The following MUCL1 variants were observed in gnomAD, a reference collection of about 807,000 sequenced individuals.
The protein encoded by MUCL1 is mucin like 1, also known as mucin-like protein 1.
In MUCL1, 11 loss-of-function variants were observed where a neutral mutation model predicts 9.2. That is an observed-to-expected ratio of 1.19 (90% CI 0.75 to 1.97). The LOEUF (loss-of-function observed/expected upper bound fraction) is 1.97, where lower values mean the gene tolerates loss of function less well. Among genes scored for constraint, MUCL1 ranks in the 30% most tolerant of loss-of-function variants. The pLI, the probability that MUCL1 is intolerant of heterozygous loss-of-function variation, is 0.00. For synonymous variants in MUCL1, 48 were observed against 40.5 expected (o/e 1.19, Z -0.71); for missense variants, 144 against 110.9 (o/e 1.30, Z -1.34).
At chr12:54,844,001 A>T (rs1959228358) in intron 1 of MUCL1, among the ~76,000 whole-genome samples, 1 of 152,146 alleles carries the variant, frequency 6.6e-6, no homozygotes. Flanking sequence ...CTTTTTGTTT[A>T]TCACTAGATT....
chr12:54,833,669 T>C (rs576800789), intron 1 of MUCL1, among the ~76,000 whole-genome samples: 30 of 152,162 alleles, frequency 2.0e-4, no homozygotes, highest in Admixed American at 1.9e-3. Flanking sequence ...ATGTCCTTTA[T>C]AGGGACATGG....
At chr12:54,855,450 C>A (rs956976107) in intron 2 of MUCL1, 6 of 321,726 alleles carry the variant, frequency 1.9e-5, no homozygotes, top group Admixed American at 4.2e-5. Context: ...GATGTTGTAG[C>A]CTGAGAATTT....
At chr12:54,842,412 C>T (rs1444409563) in intron 1 of MUCL1, among the ~76,000 whole-genome samples, 3 of 151,874 alleles carry the variant, frequency 2.0e-5, no homozygotes, top group Non-Finnish European at 4.4e-5. Flanking sequence ...TTATGTTTAT[C>T]ATGTACAACA....
In MUCL1 at chr12:54,855,168, A is replaced by T. The variant is rs1868289962; in HGVS notation, c.100+11A>T. ...ACACGTATCCAGCTAGTGAGTCTGC[A>T]CTTGAATGTCATCTCTTTCCAGCAA... On this transcript the variant is annotated intron_variant, in intron 2 of 3. Coordinates refer to ENST00000308796, the MANE Select transcript of MUCL1 (RefSeq NM_058173.3). 6.2e-7 allele frequency: 1 copy of T among 1,612,362 alleles called. No individual in the cohort carries two copies. Among genetic ancestry groups the T allele is most frequent in the African/African-American group, 1.3e-5 (1 of 74,992 alleles).
At chr12:54,857,941 T>A (rs972786691) in intron 3 of MUCL1, among the ~76,000 whole-genome samples, 2 of 152,182 alleles carry the variant, frequency 1.3e-5, no homozygotes, top group African/African-American at 4.8e-5. Flanking sequence ...GGAAAACTCA[T>A]ACGTATTGAC....
At chr12:54,834,635 A>G (rs1959189940), upstream of MUCL1, among the ~76,000 whole-genome samples, 1 of 152,036 alleles carries the variant, frequency 6.6e-6, no homozygotes, top group African/African-American at 2.4e-5. Context: ...CCACTCTCTT[A>G]GCAAATTTTA....
rs143592066 is a variant in MUCL1, at chr12:54,831,419, T to C, written n.357+544T>C. 1.8e-4 allele frequency among the ~76,000 whole-genome samples: 27 copies of C among 152,274 alleles called. No homozygotes were observed. The East Asian group carries it at 5.0e-3, about 28-fold the overall frequency. ...TGTTAGTTTAGTAAAAACAGCTGTG[T>C]TCTGGGTAATCAGCATTAAGTATAA... On this transcript the variant is annotated intron_variant and non_coding_transcript_variant, in intron 1 of 3. Coordinates refer to the MUCL1 transcript ENST00000547990.
intron 1 of MUCL1, among the ~76,000 whole-genome samples, chr12:54,847,037 C>T (rs528973726): frequency 2.0e-5 from 3 of 152,266 alleles, no homozygotes; most frequent in Admixed American, 6.5e-5. Flanking sequence ...CATCCACATC[C>T]TGCTTAGTCC....
intron 1 of MUCL1, among the ~76,000 whole-genome samples, chr12:54,840,362 C>T (rs961244942): frequency 6.6e-6 from 1 of 152,188 alleles, no homozygotes; most frequent in African/African-American, 2.4e-5. Flanking sequence ...GTGATGCAGA[C>T]AATGGTAATA....
intron 1 of MUCL1, among the ~76,000 whole-genome samples, chr12:54,840,836 C>A (rs77715551): frequency 6.6e-6 from 1 of 152,150 alleles, no homozygotes; most frequent in Non-Finnish European, 1.5e-5. Flanking sequence ...CCAGCTCCCA[C>A]GCATTTGGCA....
chr12:54,846,398 G>T (rs546289161), intron 1 of MUCL1, among the ~76,000 whole-genome samples: 3 of 152,312 alleles, frequency 2.0e-5, no homozygotes, highest in Admixed American at 6.5e-5. Flanking sequence ...CATCCCTGTG[G>T]CATGACCTGC....
Position 54,858,336 on chromosome 12 carries a change from T to C in MUCL1, c.*94T>C. On this transcript the variant is annotated 3_prime_UTR_variant, in exon 4 of 4. Transcript: ENST00000308796. The stretch of plus-strand genomic sequence containing the variant: ...ACTTACCTTGCCTACGATATCCCCT[T>C]TATCTCTAATCAGTTTATTTTCTTT... 1 of 1,389,882 alleles carries C rather than the reference T, an allele frequency of 7.2e-7. No individual in the cohort carries two copies. Among genetic ancestry groups the C allele is most frequent in the Non-Finnish European group, 1.0e-6 (1 of 979,660 alleles). 86.1% of individuals were successfully genotyped at this position (1,389,882 alleles called of 1,614,324 possible).
intron 1 of MUCL1, among the ~76,000 whole-genome samples, chr12:54,845,290 CTT>C (rs937985033): frequency 6.6e-6 from 1 of 152,096 alleles, no homozygotes; most frequent in Admixed American, 6.6e-5. Flanking sequence ...ATAGCACCAG[CTT>C]TTGAGAAAAG....
At chr12:54,847,474 T>C (rs983443873) in intron 1 of MUCL1, among the ~76,000 whole-genome samples, 11 of 152,056 alleles carry the variant, frequency 7.2e-5, no homozygotes, top group Admixed American at 6.5e-4. Context: ...AATTAGCCTG[T>C]CATGGCGGTG....
intron 1 of MUCL1, among the ~76,000 whole-genome samples, chr12:54,840,565 G>A (rs1300866367): frequency 6.6e-6 from 1 of 152,170 alleles, no homozygotes; most frequent in East Asian, 1.9e-4. Context: ...GGCAATGAGC[G>A]GGGTCATAAA....
intron 1 of MUCL1, among the ~76,000 whole-genome samples, chr12:54,847,680 G>A (rs892889776): frequency 6.6e-6 from 1 of 152,126 alleles, no homozygotes; most frequent in Non-Finnish European, 1.5e-5. Flanking sequence ...CAAATATCAG[G>A]CAATAATGGG....
upstream of MUCL1, among the ~76,000 whole-genome samples, chr12:54,851,215 T>A (rs1959333988): frequency 6.6e-6 from 1 of 152,200 alleles, no homozygotes; most frequent in African/African-American, 2.4e-5. Flanking sequence ...TTTGGTGTTT[T>A]AGACATGAAG....
intron 1 of MUCL1, among the ~76,000 whole-genome samples, chr12:54,849,411 C>A (rs1401625151): frequency 6.6e-6 from 1 of 151,996 alleles, no homozygotes; most frequent in Non-Finnish European, 1.5e-5. Context: ...TTTGGCCCAT[C>A]TAGAGACTTT....
At chr12:54,841,900 G>A (rs942917123) in intron 1 of MUCL1, among the ~76,000 whole-genome samples, 2 of 152,032 alleles carry the variant, frequency 1.3e-5, no homozygotes, top group Non-Finnish European at 2.9e-5. Context: ...CATTCAGGAG[G>A]CATTCTCTTA....
Sources: allele counts gnomAD v4.1 joint callset (sites outside exome capture counted in the v4.1 genomes callset), GRCh38; gene constraint gnomAD v4.1.1; transcripts MANE v1.5; gene names NCBI Gene and HGNC (gene_info 2026-07-23, HGNC 2026-07-21).